CD6: variants seen among roughly 807,000 people sequenced by gnomAD.
CD6 encodes the protein T-cell differentiation antigen CD6.
CD6 carries 53 observed loss-of-function variants against 75.3 expected under a neutral mutation model. That is an observed-to-expected ratio of 0.70 (90% CI 0.56 to 0.88). CD6 has a LOEUF of 0.88. Among genes scored for constraint, CD6 ranks in the 40% least tolerant of loss-of-function variants. The pLI is 0.00. For synonymous variants in CD6, 359 were observed against 381.5 expected (o/e 0.94, Z 0.69); for missense variants, 770 against 897.1 (o/e 0.86, Z 1.81).
intron 1 of CD6, among the ~76,000 whole-genome samples, chr11:60,972,579 G>A (rs1255924113): frequency 3.9e-5 from 6 of 152,312 alleles, no homozygotes; most frequent in Middle Eastern, 3.4e-3. Context: ...GATACTTGCT[G>A]GCCCCTGTTG....
At chr11:60,973,360 T>C (rs1360363881) in intron 1 of CD6, among the ~76,000 whole-genome samples, 1 of 152,158 alleles carries the variant, frequency 6.6e-6, no homozygotes, top group Admixed American at 6.5e-5. Flanking sequence ...AGCCTCCAAG[T>C]TCCTTCGATT....
chr11:61,016,026 C>T (rs1859387765), intron 9 of CD6, among the ~76,000 whole-genome samples, 191 bp downstream of exon 9: 1 of 152,244 alleles, frequency 6.6e-6, no homozygotes, highest in South Asian at 2.1e-4. Context: ...ACCCTGGGGT[C>T]ATCTCGATGT....
intron 1 of CD6, among the ~76,000 whole-genome samples, chr11:60,989,960 T>C (rs1565146962): frequency 6.6e-6 from 1 of 152,344 alleles, no homozygotes; most frequent in East Asian, 1.9e-4. Flanking sequence ...TTGATATGAC[T>C]CGGACAATTT....
intron 1 of CD6, among the ~76,000 whole-genome samples, chr11:60,992,697 G>A (rs1474606089): frequency 5.3e-5 from 8 of 151,842 alleles, no homozygotes; most frequent in East Asian, 1.9e-4. Flanking sequence ...GCATGGTGGC[G>A]TGCACCTGTA....
intron 1 of CD6, among the ~76,000 whole-genome samples, chr11:60,999,194 A>C (rs959872186): frequency 6.6e-6 from 1 of 152,076 alleles, no homozygotes; most frequent in African/African-American, 2.4e-5. Flanking sequence ...AGGAAAACTT[A>C]TTAATACCAT....
intron 1 of CD6, among the ~76,000 whole-genome samples, chr11:60,979,891 A>C (rs985416345): frequency 6.6e-6 from 1 of 152,206 alleles, no homozygotes; most frequent in Non-Finnish European, 1.5e-5. Context: ...AAGACACACC[A>C]GCACCACCCC....
At chr11:61,000,351 A>G (rs11230558) in intron 1 of CD6, among the ~76,000 whole-genome samples, 32,025 of 151,822 alleles carry the variant, frequency 0.21, 3,488 homozygotes, top group African/African-American at 0.24. Flanking sequence ...CAGGTGACAC[A>G]TGCACCTGGC....
At chr11:60,999,592 C>T (rs1590700303) in intron 1 of CD6, among the ~76,000 whole-genome samples, 1 of 151,922 alleles carries the variant, frequency 6.6e-6, no homozygotes, top group Non-Finnish European at 1.5e-5. Context: ...AAACTTATCC[C>T]CACATCATTA....
At chr11:61,005,855 T>C (rs9737518) in intron 1 of CD6, among the ~76,000 whole-genome samples, 130,511 of 151,664 alleles carry the variant, frequency 0.86, 56,671 homozygotes, top group East Asian at 0.99. Flanking sequence ...CGCTTGAATC[T>C]GGGAGGTGGA....
At chr11:61,018,488 A>G (rs1859531643) in intron 12 of CD6, 95 bp downstream of exon 12, 1 of 947,586 alleles carries the variant, frequency 1.1e-6, no homozygotes, top group Non-Finnish European at 1.6e-6. Context: ...CTCAAGGGGA[A>G]AAGGAGAAAG....
In CD6 at chr11:60,971,772, C is replaced by T. The variant is rs926266515; in HGVS notation, c.-94C>T. 15 of 1,273,290 alleles carry T rather than the reference C, an allele frequency of 1.2e-5. No individual in the cohort carries two copies. Among genetic ancestry groups the T allele is most frequent in the East Asian group, 4.9e-5 (2 of 40,740 alleles). The allele number at this position is 1,273,290 out of a possible 1,614,324, so 78.9% of individuals were successfully genotyped here. A position where few individuals can be genotyped will look rare whatever the true frequency, so the allele number is the denominator to read the frequency against. On this transcript the variant is annotated 5_prime_UTR_variant, in exon 1 of 13. Transcript: ENST00000313421. ...AACAGCAAAGGGTAGAGCAGACCTG[C>T]GCCAGGGGCGCACAACGGCCGTGTC...
chr11:60,982,334 C>A (rs1162069718), intron 1 of CD6, among the ~76,000 whole-genome samples: 1 of 152,168 alleles, frequency 6.6e-6, no homozygotes, highest in Non-Finnish European at 1.5e-5. Context: ...TGACTCTGTT[C>A]ATTTTACAGA....
At chr11:60,985,848 A>G (rs1192788356) in intron 1 of CD6, among the ~76,000 whole-genome samples, 1 of 152,250 alleles carries the variant, frequency 6.6e-6, no homozygotes, top group East Asian at 1.9e-4. Flanking sequence ...TAGCAGCACA[A>G]TGAGACTTTC....
chr11:60,981,727 T>C (rs914120094), intron 1 of CD6, among the ~76,000 whole-genome samples: 3 of 152,126 alleles, frequency 2.0e-5, no homozygotes, highest in Non-Finnish European at 4.4e-5. Flanking sequence ...AAGCCCAGGT[T>C]CCCACCCTCC....
intron 1 of CD6, among the ~76,000 whole-genome samples, chr11:61,003,166 T>C (rs181181995): frequency 2.0e-5 from 3 of 152,280 alleles, no homozygotes; most frequent in Non-Finnish European, 4.4e-5. Context: ...GGTTTCACCA[T>C]GTTGGCCAGG....
chr11:61,015,483 A>G, intron 8 of CD6: 1 of 489,824 alleles, frequency 2.0e-6, no homozygotes, highest in Non-Finnish European at 3.7e-6. Context: ...AGGTGGGAGG[A>G]TCGCCTGAGC....
intron 1 of CD6, chr11:61,004,414 C>T (rs1035938140): frequency 6.6e-6 from 1 of 152,156 alleles, no homozygotes; most frequent in Non-Finnish European, 1.5e-5. Flanking sequence ...ATACATCAGC[C>T]ACAGAGTTTA....
chr11:61,002,389 A>G (rs1160025822), intron 1 of CD6, among the ~76,000 whole-genome samples: 6 of 152,024 alleles, frequency 3.9e-5, no homozygotes, highest in Admixed American at 3.9e-4. Flanking sequence ...CCCCATCTCT[A>G]CCAAAAATAC....
chr11:60,984,737 G>A (rs990109455), intron 1 of CD6, among the ~76,000 whole-genome samples: 3 of 152,232 alleles, frequency 2.0e-5, no homozygotes, highest in South Asian at 2.1e-4. Context: ...GCAGAACCTC[G>A]GAGGGGATAT....
Sources: allele counts gnomAD v4.1 joint callset (sites outside exome capture counted in the v4.1 genomes callset), GRCh38; gene constraint gnomAD v4.1.1; transcripts MANE v1.5; gene names NCBI Gene and HGNC (gene_info 2026-07-23, HGNC 2026-07-21).